The following SLC9A4 variants were observed in gnomAD, a reference collection of about 807,000 sequenced individuals.
SLC9A4 encodes the protein solute carrier family 9 member A4.
SLC9A4 carries 63 observed loss-of-function variants against 67.4 expected under a neutral mutation model. That is an observed-to-expected ratio of 0.93 (90% CI 0.76 to 1.15). The LOEUF (loss-of-function observed/expected upper bound fraction) is 1.15, where lower values mean the gene tolerates loss of function less well. Ranked by LOEUF, SLC9A4 falls within the 50% of genes most tolerant of loss-of-function variation. The pLI is 0.00. For missense variants in SLC9A4, 1,089 were observed against 987.7 expected (o/e 1.10, Z -1.38); for synonymous variants, 393 against 367.2 (o/e 1.07, Z -0.80).
intron 4 of SLC9A4, among the ~76,000 whole-genome samples, chr2:102,506,247 T>C (rs1048503256): frequency 1.3e-5 from 2 of 152,226 alleles, no homozygotes; most frequent in African/African-American, 2.4e-5. Context: ...CTACAATATA[T>C]GTGTTGCCTT....
At chr2:102,512,118 TG>T in intron 6 of SLC9A4, 84 bp from the exon 7 acceptor site, 1 of 1,442,932 alleles carries the variant, frequency 6.9e-7, no homozygotes, top group Non-Finnish European at 9.6e-7. Context: ...AAGGCTCCTT[TG>T]TTTTTTAAAG....
At chr2:102,483,841 T>TATATATAC (rs370126753) in intron 2 of SLC9A4, among the ~76,000 whole-genome samples, 3 of 126,780 alleles carry the variant, frequency 2.4e-5, no homozygotes, top group South Asian at 5.1e-4. Context: ...TATATATATA[T>TATATATAC]ACACACACAC....
At chr2:102,499,044 T>A (rs1684868067) in intron 2 of SLC9A4, among the ~76,000 whole-genome samples, 1 of 152,200 alleles carries the variant, frequency 6.6e-6, no homozygotes, top group Non-Finnish European at 1.5e-5. Flanking sequence ...GGACAGAAGC[T>A]GGATGGGACT....
In SLC9A4 at chr2:102,521,380, C is replaced by T. The variant is rs1277381978; in HGVS notation, c.1818+1425C>T. Reference sequence around the variant, plus strand: ...GTTCTACTTTCTAAGCCATACAGCACCTCCCTTCCTCATTGCCCTCGAATT... The same window carrying T: ...GTTCTACTTTCTAAGCCATACAGCATCTCCCTTCCTCATTGCCCTCGAATT... On this transcript the variant is annotated intron_variant, in intron 9 of 11. Transcript: ENST00000295269. Among the ~76,000 whole-genome samples the T allele has an allele frequency of 2.0e-5, 3 of 152,198 alleles. No individual in the cohort carries two copies. The East Asian group carries it at 5.8e-4, about 29-fold the overall frequency.
Position 102,526,364 on chromosome 2 carries a change from C to A in SLC9A4, c.2038+18C>A. ...GTTCTCAGGTAAGCTGCCCACCTGG[C>A]TGCTCTGCTGCTTTTCTGTAGAGTC... On this transcript the variant is annotated intron_variant, in intron 11 of 11. Transcript: ENST00000295269. The A allele has an allele frequency of 8.1e-6, 13 of 1,610,820 alleles. No individual in the cohort carries two copies. The highest frequency in any genetic ancestry group is 1.1e-5 in the Non-Finnish European group (13 of 1,177,350).
chr2:102,479,131 G>A lies in SLC9A4; in HGVS notation c.549G>A (p.Val183=). ...TCTCCCTCTACCTCATCTGCCAGGT[G>A]AAGGCCTTTGGCCTGGGCGACGTCA... is the stretch of plus-strand genomic sequence containing the variant. ...IGLSLYLICQ[V]KAFGLGDVNL... The change falls in exon 2 of 12, where the codon GTG becomes GTA. Residue 183 remains valine (V), a synonymous_variant. Coordinates refer to ENST00000295269, the MANE Select transcript of SLC9A4 (RefSeq NM_001011552.4). The A allele has an allele frequency of 1.2e-6, 2 of 1,614,180 alleles. No homozygotes were observed. The highest frequency in any genetic ancestry group is 1.1e-5 in the South Asian group (1 of 91,068).
chr2:102,523,595 G>A (rs1369146257), intron 9 of SLC9A4, among the ~76,000 whole-genome samples: 1 of 152,082 alleles, frequency 6.6e-6, no homozygotes, highest in East Asian at 1.9e-4. Flanking sequence ...TCACCCTGTG[G>A]GGCATCTTGT....
At chr2:102,526,799 A>C (rs1674675908) in intron 11 of SLC9A4, among the ~76,000 whole-genome samples, 1 of 152,208 alleles carries the variant, frequency 6.6e-6, no homozygotes, top group Non-Finnish European at 1.5e-5. Context: ...AGATTTACTG[A>C]TTAAATGTTT....
At chr2:102,500,884 A>G (rs1684915924) in intron 2 of SLC9A4, among the ~76,000 whole-genome samples, 1 of 152,010 alleles carries the variant, frequency 6.6e-6, no homozygotes. Flanking sequence ...TGAACAAAAC[A>G]GGACAGCAGC....
intron 2 of SLC9A4, among the ~76,000 whole-genome samples, chr2:102,493,977 T>C (rs766684701): frequency 3.3e-5 from 5 of 151,866 alleles, no homozygotes; most frequent in Non-Finnish European, 7.3e-5. Flanking sequence ...TTAAAAGTAA[T>C]GTAGTCAAAC....
intron 8 of SLC9A4, among the ~76,000 whole-genome samples, chr2:102,517,787 G>A (rs762948824): frequency 2.8e-4 from 43 of 152,274 alleles, no homozygotes; most frequent in African/African-American, 8.2e-4. Flanking sequence ...TTCAATATAC[G>A]TAGGTTCAGA....
chr2:102,503,144 A>T (rs988792041), intron 2 of SLC9A4, among the ~76,000 whole-genome samples: 1 of 152,222 alleles, frequency 6.6e-6, no homozygotes, highest in Non-Finnish European at 1.5e-5. Context: ...TATAGAACAC[A>T]AATGGAAGGG....
intron 6 of SLC9A4, among the ~76,000 whole-genome samples, chr2:102,511,707 A>G (rs886976910): frequency 1.1e-4 from 17 of 152,062 alleles, no homozygotes. Context: ...TATTAAAATG[A>G]GAGATACTTT....
chr2:102,532,340 C>T lies in SLC9A4; in HGVS notation c.2049C>T (p.Ser683=), dbSNP rs772103587. The T allele has an allele frequency of 3.8e-5, 61 of 1,612,530 alleles. No individual in the cohort carries two copies. The East Asian group carries it at 1.3e-3, about 35-fold the overall frequency. The change falls in exon 12 of 12, where the codon AGC becomes AGT. Residue 683 remains serine (S), a synonymous_variant. Coordinates refer to ENST00000295269, the MANE Select transcript of SLC9A4 (RefSeq NM_001011552.4). The stretch of plus-strand genomic sequence containing the variant: ...ATGATGTTTTCCTAGATGATGACAG[C>T]AGTGATCCAGGATCCCCATCCATCA... ...TRAAGFSDDD[S]SDPGSPSITF...
At chr2:102,484,321 A>C (rs1321511383) in intron 2 of SLC9A4, among the ~76,000 whole-genome samples, 1 of 152,108 alleles carries the variant, frequency 6.6e-6, no homozygotes, top group Non-Finnish European at 1.5e-5. Context: ...ACAAGAGAGA[A>C]CCCACATGCT....
At chr2:102,505,501 G>C in intron 4 of SLC9A4, 30 bp downstream of exon 4, 1 of 1,595,910 alleles carries the variant, frequency 6.3e-7, no homozygotes, top group Non-Finnish European at 8.6e-7. Context: ...CAGAGTCTCC[G>C]GTCCTGCTGC....
At chr2:102,501,327 C>T (rs1234867443) in intron 2 of SLC9A4, among the ~76,000 whole-genome samples, 1 of 152,032 alleles carries the variant, frequency 6.6e-6, no homozygotes, top group Non-Finnish European at 1.5e-5. Context: ...CACCACGTTG[C>T]CCTGGCTGGT....
At position 102,533,651 on chromosome 2, in the gene SLC9A4, AC is replaced by A; in HGVS notation, c.*967del. The A allele has an allele frequency of 1.8e-5, 1 of 56,850 alleles. No homozygotes were observed. Among genetic ancestry groups the A allele is most frequent in the South Asian group, 7.1e-4 (1 of 1,406 alleles). 3.5% of individuals were successfully genotyped at this position (56,850 alleles called of 1,614,324 possible). A position where few individuals can be genotyped will look rare whatever the true frequency, so the allele number is the denominator to read the frequency against. ...AATGCTATCCCTCCCCCCTCCCCCC[AC>A]CCCACAACAGTCCCCAGAGTGTGAT... is the stretch of plus-strand genomic sequence containing the variant. On this transcript the variant is annotated 3_prime_UTR_variant, in exon 12 of 12. Transcript: ENST00000295269.
chr2:102,525,220 G>A, intron 10 of SLC9A4, 65 bp downstream of exon 10: 1 of 1,602,218 alleles, frequency 6.2e-7, no homozygotes, highest in Admixed American at 1.7e-5. Flanking sequence ...TGCTGAGCCT[G>A]TTCCTGTACA....
Sources: allele counts gnomAD v4.1 joint callset (sites outside exome capture counted in the v4.1 genomes callset), GRCh38; gene constraint gnomAD v4.1.1; transcripts MANE v1.5; gene names NCBI Gene and HGNC (gene_info 2026-07-23, HGNC 2026-07-21).